The following PALS1 variants were observed in gnomAD, a reference collection of about 807,000 sequenced individuals.
PALS1 encodes protein PALS1.
In PALS1, 31 loss-of-function variants were observed where a neutral mutation model predicts 78.9. The ratio of observed to expected loss-of-function variants is 0.39; its 90% confidence interval spans 0.30 to 0.53. The LOEUF is 0.53. Among genes scored for constraint, PALS1 ranks in the 20% least tolerant of loss-of-function variants. PALS1 has a pLI of 0.67. For synonymous variants in PALS1, 276 were observed against 270.9 expected, an observed-to-expected ratio of 1.02 and a Z score of -0.18; for missense variants, 704 against 826.5, an observed-to-expected ratio of 0.85 and a Z score of 1.82.
intron 14 of PALS1, among the ~76,000 whole-genome samples, chr14:67,331,071 G>T (rs1423946896): frequency 2.0e-5 from 3 of 151,496 alleles, no homozygotes; most frequent in Non-Finnish European, 2.9e-5. Flanking sequence ...TTGAGACAGA[G>T]TCTCACTCTG....
chr14:67,255,084 G>T (rs929794188), intron 1 of PALS1, among the ~76,000 whole-genome samples: 5 of 152,166 alleles, frequency 3.3e-5, no homozygotes, highest in Non-Finnish European at 7.3e-5. Context: ...GGGAGGCGGA[G>T]GTTGCAGTGA....
chr14:67,297,309 G>A (rs2084871318), intron 4 of PALS1, among the ~76,000 whole-genome samples: 1 of 152,116 alleles, frequency 6.6e-6, no homozygotes, highest in African/African-American at 2.4e-5. Flanking sequence ...GGGAAAATAT[G>A]AATTAATTTA....
intron 14 of PALS1, among the ~76,000 whole-genome samples, chr14:67,325,141 G>T (rs2085332579): frequency 6.6e-6 from 1 of 151,886 alleles, no homozygotes; most frequent in Admixed American, 6.6e-5. Flanking sequence ...TCCTGACCTT[G>T]TGATCCACCC....
At chr14:67,314,512 C>G (rs530128936) in intron 9 of PALS1, among the ~76,000 whole-genome samples, 1 of 152,080 alleles carries the variant, frequency 6.6e-6, no homozygotes, top group Non-Finnish European at 1.5e-5. Context: ...ATGCTAAAAC[C>G]CGTGATTCTT....
intron 4 of PALS1, among the ~76,000 whole-genome samples, chr14:67,298,042 C>T (rs2084882774): frequency 1.3e-5 from 2 of 151,950 alleles, no homozygotes; most frequent in Non-Finnish European, 1.5e-5. Context: ...CAGTTTAATG[C>T]TGAATCAAAA....
intron 8 of PALS1, among the ~76,000 whole-genome samples, chr14:67,308,550 T>TC (rs1175142008): frequency 6.8e-6 from 1 of 146,626 alleles, no homozygotes; most frequent in African/African-American, 2.5e-5. Context: ...CTTTTTCTTT[T>TC]TTTTTTTTTT....
chr14:67,252,445 G>A (rs1303271495), intron 1 of PALS1, among the ~76,000 whole-genome samples: 2 of 152,138 alleles, frequency 1.3e-5, no homozygotes, highest in Admixed American at 1.3e-4. Context: ...GTGAGCCACC[G>A]TGCTCAGCAT....
At chr14:67,323,261 G>GTATATATATATA (rs58770441) in intron 13 of PALS1, among the ~76,000 whole-genome samples, 6 of 124,190 alleles carry the variant, frequency 4.8e-5, no homozygotes, top group South Asian at 2.5e-4. Context: ...GTGTGTGTGT[G>GTATATATATATA]TATATATATA....
At chr14:67,329,779 G>A (rs2085416633) in intron 14 of PALS1, among the ~76,000 whole-genome samples, 1 of 151,908 alleles carries the variant, frequency 6.6e-6, no homozygotes, top group East Asian at 1.9e-4. Context: ...CTACTGAAGA[G>A]GCCGAGTTCG....
intron 1 of PALS1, among the ~76,000 whole-genome samples, chr14:67,268,667 A>G (rs1347623862): frequency 6.6e-6 from 1 of 152,188 alleles, no homozygotes; most frequent in Non-Finnish European, 1.5e-5. Flanking sequence ...TAGCATGCTA[A>G]CGCATTATAA....
intron 13 of PALS1, among the ~76,000 whole-genome samples, chr14:67,322,166 C>G (rs1395990870): frequency 6.6e-6 from 1 of 151,936 alleles, no homozygotes; most frequent in Non-Finnish European, 1.5e-5. Flanking sequence ...GGCAACACGG[C>G]AAAGCCCCAT....
At chr14:67,329,692 AAC>A (rs1392947750) in intron 14 of PALS1, among the ~76,000 whole-genome samples, 1 of 152,168 alleles carries the variant, frequency 6.6e-6, no homozygotes, top group African/African-American at 2.4e-5. Context: ...CAGCCTGGGC[AAC>A]ATAGTGAAAT....
intron 3 of PALS1, among the ~76,000 whole-genome samples, chr14:67,284,012 A>G (rs967273549): frequency 9.9e-5 from 15 of 152,094 alleles, no homozygotes; most frequent in East Asian, 1.9e-4. Context: ...AAATTGCGCT[A>G]TTGACTTTGG....
intron 12 of PALS1, 70 bp from the exon 13 acceptor site, chr14:67,320,987 A>C: frequency 7.8e-7 from 1 of 1,282,390 alleles, no homozygotes; most frequent in Non-Finnish European, 1.1e-6. Flanking sequence ...ATTCTTTCTG[A>C]CTAGCAGAAT....
At chr14:67,262,776 A>G (rs1195869005) in intron 1 of PALS1, among the ~76,000 whole-genome samples, 4 of 152,078 alleles carry the variant, frequency 2.6e-5, no homozygotes, top group Admixed American at 1.3e-4. Context: ...TTTATCTTCT[A>G]TCTCTTACGG....
intron 14 of PALS1, among the ~76,000 whole-genome samples, chr14:67,326,220 G>GCTTTTTTTTT (rs1344517448): frequency 3.3e-5 from 1 of 30,344 alleles, no homozygotes; most frequent in Admixed American, 4.3e-4. Flanking sequence ...ATTTAGGTCT[G>GCTTTTTTTTT]ATTTTTTTTT....
At position 67,308,036 on chromosome 14, in the gene PALS1, C is replaced by T. The variant is rs148892836; in HGVS notation, c.1041+4437C>T. On this transcript the variant is annotated intron_variant, in intron 8 of 14. Coordinates refer to ENST00000261681, the MANE Select transcript of PALS1 (RefSeq NM_022474.4). ...ATGTGGGAGCTAAATGATGAGAACA[C>T]GTGGACACATAAAGGGGAACAACAC... 2.9e-3 allele frequency among the ~76,000 whole-genome samples: 433 copies of T among 151,924 alleles called. 4 individuals are homozygous for T. The highest frequency in any genetic ancestry group is 0.017 in the Middle Eastern group (5 of 294).
intron 5 of PALS1, 65 bp downstream of exon 5, chr14:67,301,531 A>G: frequency 8.7e-7 from 1 of 1,150,934 alleles, no homozygotes; most frequent in South Asian, 1.5e-5. Context: ...TTTAAATCAA[A>G]GACTCCAGTA....
chr14:67,295,829 A>G (rs2084839374), intron 4 of PALS1, among the ~76,000 whole-genome samples: 1 of 152,224 alleles, frequency 6.6e-6, no homozygotes, highest in African/African-American at 2.4e-5. Context: ...ATGTACCTAT[A>G]TACTGTGACC....
Sources: gnomAD v4.1 joint callset for allele counts (sites outside exome capture counted in the v4.1 genomes callset) on GRCh38, gnomAD v4.1.1 for gene constraint, MANE v1.5 for transcripts, NCBI Gene and HGNC (gene_info 2026-07-23, HGNC 2026-07-21) for gene names.